Variants in AGBL4 observed in about 807,000 individuals in gnomAD.
AGBL4 encodes AGBL carboxypeptidase 4.
A neutral mutation model predicts 66.4 loss-of-function variants in AGBL4; 58 were observed. That is an observed-to-expected ratio of 0.87 (90% CI 0.71 to 1.09). AGBL4 has a LOEUF of 1.09. Ranked by LOEUF, AGBL4 falls within the 50% of genes least tolerant of loss-of-function variation. The pLI is 0.00. For synonymous variants in AGBL4, 234 were observed against 222.9 expected (o/e 1.05, Z -0.44); for missense variants, 579 against 631.0 (o/e 0.92, Z 0.88).
intron 6 of AGBL4, among the ~76,000 whole-genome samples, chr1:48,783,812 C>T (rs895317656): frequency 6.6e-6 from 1 of 152,070 alleles, no homozygotes; most frequent in African/African-American, 2.4e-5. Context: ...TAACATGAGA[C>T]GAAGTTGAGC....
At chr1:49,750,375 C>T (rs1558220032) in intron 2 of AGBL4, among the ~76,000 whole-genome samples, 1 of 152,202 alleles carries the variant, frequency 6.6e-6, no homozygotes, top group East Asian at 1.9e-4. Flanking sequence ...TTGATTTTGT[C>T]AGGTTTGTCA....
chr1:48,674,046 C>T (rs898721733), intron 6 of AGBL4, among the ~76,000 whole-genome samples: 2 of 152,110 alleles, frequency 1.3e-5, no homozygotes, highest in African/African-American at 4.8e-5. Context: ...TACTCCCTAG[C>T]CCGCTTGTCC....
intron 1 of AGBL4, among the ~76,000 whole-genome samples, chr1:49,935,001 C>A (rs994436391): frequency 6.6e-6 from 1 of 152,208 alleles, no homozygotes; most frequent in African/African-American, 2.4e-5. Flanking sequence ...GGGTGCAGCG[C>A]ACCGTGTGCG....
intron 3 of AGBL4, among the ~76,000 whole-genome samples, chr1:49,562,637 C>A (rs1248012702): frequency 6.6e-6 from 1 of 152,018 alleles, no homozygotes; most frequent in East Asian, 1.9e-4. Flanking sequence ...GGCATTATTT[C>A]TGAGGGCTCT....
At chr1:48,527,613 T>C in the AGBL4 span, among the ~76,000 whole-genome samples, 42 of 150,756 alleles carry the variant, frequency 2.8e-4, 1 homozygote, top group South Asian at 8.9e-3. Flanking sequence ...AAAAAATTGA[T>C]AAACAGATGA....
chr1:49,394,949 A>G (rs1408739536), intron 3 of AGBL4, among the ~76,000 whole-genome samples: 1 of 152,194 alleles, frequency 6.6e-6, no homozygotes, highest in Non-Finnish European at 1.5e-5. Flanking sequence ...TGAATCCTAG[A>G]AGAAAAATTA....
intron 11 of AGBL4, among the ~76,000 whole-genome samples, chr1:48,554,012 AAAG>A (rs776776812): frequency 5.9e-5 from 9 of 152,326 alleles, no homozygotes; most frequent in Admixed American, 2.0e-4. Context: ...ACAGTGCAGC[AAAG>A]AAGATCCCTA....
chr1:48,542,959 C>G (rs907729237), intron 11 of AGBL4, among the ~76,000 whole-genome samples: 1 of 152,152 alleles, frequency 6.6e-6, no homozygotes, highest in African/African-American at 2.4e-5. Flanking sequence ...TCATTCAATT[C>G]TCACAATAAC....
At chr1:48,680,711 A>G (rs1646441855) in intron 6 of AGBL4, among the ~76,000 whole-genome samples, 1 of 152,244 alleles carries the variant, frequency 6.6e-6, no homozygotes, top group African/African-American at 2.4e-5. Context: ...TTTGGCACCC[A>G]AGGCTCTGAA....
intron 4 of AGBL4, among the ~76,000 whole-genome samples, chr1:49,169,161 T>C (rs1646686608): frequency 6.6e-6 from 1 of 152,156 alleles, no homozygotes; most frequent in Non-Finnish European, 1.5e-5. Context: ...CATTTTAGAC[T>C]AGCAAAGCCA....
intron 3 of AGBL4, among the ~76,000 whole-genome samples, chr1:49,493,002 G>C (rs934427306): frequency 6.6e-6 from 1 of 151,888 alleles, no homozygotes; most frequent in Non-Finnish European, 1.5e-5. Flanking sequence ...GCAAGAAGAA[G>C]TGCCAAGCAA....
At chr1:49,424,325 G>A (rs554340603) in intron 3 of AGBL4, among the ~76,000 whole-genome samples, 24 of 152,180 alleles carry the variant, frequency 1.6e-4, no homozygotes, top group South Asian at 4.2e-4. Context: ...CCCCTCCTCC[G>A]CTCTTGGAGA....
At chr1:49,743,103 A>G (rs771065007) in intron 2 of AGBL4, among the ~76,000 whole-genome samples, 4 of 152,238 alleles carry the variant, frequency 2.6e-5, no homozygotes, top group Non-Finnish European at 4.4e-5. Context: ...CTACCTTCAG[A>G]CTGAACAGTC....
chr1:48,775,747 C>A (rs1645046292), intron 6 of AGBL4, among the ~76,000 whole-genome samples: 1 of 152,230 alleles, frequency 6.6e-6, no homozygotes, highest in Non-Finnish European at 1.5e-5. Flanking sequence ...TTCCCTATCA[C>A]CAACTGAACC....
intron 3 of AGBL4, among the ~76,000 whole-genome samples, chr1:49,309,662 T>G (rs1213108845): frequency 6.6e-6 from 1 of 151,888 alleles, no homozygotes; most frequent in Non-Finnish European, 1.5e-5. Context: ...GCTTATATTC[T>G]TTCCACAAGT....
intron 2 of AGBL4, among the ~76,000 whole-genome samples, chr1:49,828,378 C>T (rs1397231988): frequency 6.6e-6 from 1 of 152,100 alleles, no homozygotes; most frequent in Non-Finnish European, 1.5e-5. Context: ...CAGAAGGCCT[C>T]TCTGAGGAAG....
At chr1:48,993,221 G>A (rs1419008176) in intron 5 of AGBL4, among the ~76,000 whole-genome samples, 1 of 152,118 alleles carries the variant, frequency 6.6e-6, no homozygotes. Flanking sequence ...CCAGGACTGG[G>A]TCCTTTTCTT....
At chr1:49,441,701 A>G (rs982116720) in intron 3 of AGBL4, among the ~76,000 whole-genome samples, 13 of 152,162 alleles carry the variant, frequency 8.5e-5, no homozygotes, top group African/African-American at 3.1e-4. Flanking sequence ...TCAACTTCAA[A>G]ATTTAAATAC....
rs191921381 is a variant in AGBL4, at chr1:48,799,411, T to C, written c.634+67780A>G. On this transcript the variant is annotated intron_variant, in intron 6 of 13. Coordinates refer to ENST00000371839, the MANE Select transcript of AGBL4 (RefSeq NM_032785.4). ...GCTTTCTGGATGAGTCTTTAGGGTT[T>C]TTTAGGTGTACAATCACATCATTGG... Among the ~76,000 whole-genome samples the C allele has an allele frequency of 3.0e-3, 464 of 152,270 alleles. 2 individuals are homozygous for C. Among genetic ancestry groups the C allele is most frequent in the Non-Finnish European group, 4.8e-3 (326 of 68,006 alleles).
Sources: allele counts gnomAD v4.1 joint callset (sites outside exome capture counted in the v4.1 genomes callset), GRCh38; gene constraint gnomAD v4.1.1; transcripts MANE v1.5; gene names NCBI Gene and HGNC (gene_info 2026-07-23, HGNC 2026-07-21).